Variants in LINGO2 observed in about 807,000 individuals in gnomAD.
The protein encoded by LINGO2 is leucine-rich repeat and immunoglobulin-like domain-containing nogo receptor-interacting protein 2.
In LINGO2, 14 loss-of-function variants were observed where a neutral mutation model predicts 30.6. That is an observed-to-expected ratio of 0.46 (90% CI 0.30 to 0.72). LINGO2 has a LOEUF of 0.72. LINGO2 is among the 30% of genes least tolerant of loss of function. The probability of loss-of-function intolerance (pLI) is 0.07; values close to 1 mark genes in which losing one functional copy is unlikely to be tolerated. For missense variants in LINGO2, 729 were observed against 751.7 expected (o/e 0.97, Z 0.35); for synonymous variants, 317 against 288.5 (o/e 1.10, Z -1.00).
At chr9:28,153,650 A>T (rs1171240292) in intron 4 of LINGO2, among the ~76,000 whole-genome samples, 2 of 152,190 alleles carry the variant, frequency 1.3e-5, no homozygotes, top group African/African-American at 4.8e-5. Context: ...CGAGTTCGTC[A>T]ATTTTTAAAC....
chr9:28,121,893 A>G (rs1278561704), intron 4 of LINGO2, among the ~76,000 whole-genome samples: 16 of 152,230 alleles, frequency 1.1e-4, no homozygotes, highest in Non-Finnish European at 1.9e-4. Flanking sequence ...TTAAAAATAA[A>G]TATCTTGCAA....
intron 1 of LINGO2, among the ~76,000 whole-genome samples, chr9:28,663,082 CA>C (rs200614752): frequency 0.028 from 4,325 of 151,906 alleles, 102 homozygotes; most frequent in Middle Eastern, 0.11. Flanking sequence ...ACTGTCAGAC[CA>C]AAAAAAGTCA....
intron 2 of LINGO2, among the ~76,000 whole-genome samples, chr9:28,386,261 G>C (rs907879219): frequency 2.6e-5 from 4 of 152,132 alleles, no homozygotes; most frequent in Non-Finnish European, 5.9e-5. Context: ...GTGCACATGA[G>C]AGAGGCAAAC....
chr9:28,348,052 G>T (rs1431163920), intron 3 of LINGO2, among the ~76,000 whole-genome samples: 1 of 152,076 alleles, frequency 6.6e-6, no homozygotes, highest in Non-Finnish European at 1.5e-5. Context: ...AGGTAAACAG[G>T]TCATAGGATT....
At chr9:28,120,428 A>G (rs183730156) in intron 4 of LINGO2, among the ~76,000 whole-genome samples, 1 of 152,310 alleles carries the variant, frequency 6.6e-6, no homozygotes, top group East Asian at 1.9e-4. Flanking sequence ...TGCCAGGGAA[A>G]CTGGGTCTTA....
intron 4 of LINGO2, among the ~76,000 whole-genome samples, chr9:28,188,052 C>A (rs893847974): frequency 6.6e-6 from 1 of 152,086 alleles, no homozygotes; most frequent in Non-Finnish European, 1.5e-5. Context: ...CTCGTTAATC[C>A]TTTTTAATAT....
chr9:28,646,079 T>C (rs896363526), intron 1 of LINGO2, among the ~76,000 whole-genome samples: 2 of 152,144 alleles, frequency 1.3e-5, no homozygotes, highest in Non-Finnish European at 2.9e-5. Context: ...TACCAAGTAA[T>C]GGCAACTGAC....
the LINGO2 span, among the ~76,000 whole-genome samples, chr9:28,712,811 T>C: frequency 6.6e-6 from 1 of 152,070 alleles, no homozygotes; most frequent in African/African-American, 2.4e-5. Context: ...TTAAGAAACA[T>C]AGAATTTAAA....
At chr9:28,169,730 T>G (rs752217772) in intron 4 of LINGO2, among the ~76,000 whole-genome samples, 80 of 152,154 alleles carry the variant, frequency 5.3e-4, no homozygotes, top group Non-Finnish European at 7.4e-4. Flanking sequence ...GGAGCCAGAA[T>G]TGAGAAATGG....
intron 2 of LINGO2, among the ~76,000 whole-genome samples, chr9:28,426,414 T>C (rs1413597430): frequency 6.6e-6 from 1 of 152,132 alleles, no homozygotes; most frequent in African/African-American, 2.4e-5. Context: ...AATAAAACTA[T>C]AAATTCAGTA....
intron 1 of LINGO2, among the ~76,000 whole-genome samples, chr9:28,495,103 G>T (rs1231752099): frequency 1.3e-5 from 2 of 152,152 alleles, no homozygotes; most frequent in Non-Finnish European, 2.9e-5. Context: ...GTCCTTTGTA[G>T]ATTCTGGATA....
chr9:28,288,517 T>C (rs538349579), intron 4 of LINGO2, among the ~76,000 whole-genome samples: 1 of 152,322 alleles, frequency 6.6e-6, no homozygotes, highest in Non-Finnish European at 1.5e-5. Flanking sequence ...TGAAACGAGC[T>C]GTTCATATCT....
In LINGO2 at chr9:28,229,719, T is replaced by G. The variant is rs1821292733; in HGVS notation, c.-87+65489A>C. Among the ~76,000 whole-genome samples, 3 of 151,946 alleles carry G rather than the reference T, an allele frequency of 2.0e-5. No homozygotes were observed. In the Middle Eastern group the frequency reaches 0.01, roughly 517 times the overall value. On this transcript the variant is annotated intron_variant, in intron 4 of 5. Coordinates refer to ENST00000379992, the Ensembl canonical transcript of LINGO2. ...ATATAGTTAGCAGGAAAATTTAACA[T>G]ATTGGCTTTCAGTTCTTTTATCAAT...
intron 2 of LINGO2, among the ~76,000 whole-genome samples, chr9:28,465,063 G>T (rs1825241816): frequency 6.6e-6 from 1 of 152,194 alleles, no homozygotes. Flanking sequence ...CAGGTTGCAT[G>T]CGACCTCTGG....
At chr9:28,642,128 AC>A (rs753348481) in intron 1 of LINGO2, among the ~76,000 whole-genome samples, 1 of 151,942 alleles carries the variant, frequency 6.6e-6, no homozygotes, top group Non-Finnish European at 1.5e-5. Context: ...ATTAACATAC[AC>A]TTTTACTCAG....
chr9:28,653,677 CCA>C (rs1259495168), intron 1 of LINGO2, among the ~76,000 whole-genome samples: 1 of 152,096 alleles, frequency 6.6e-6, no homozygotes, highest in Admixed American at 6.6e-5. Context: ...GAGTCAAATA[CCA>C]GAGCATCTTT....
At chr9:28,202,333 C>T (rs1415753335) in intron 4 of LINGO2, among the ~76,000 whole-genome samples, 4 of 152,048 alleles carry the variant, frequency 2.6e-5, no homozygotes, top group African/African-American at 9.7e-5. Context: ...GATATGGCAT[C>T]TAACAGACAC....
At chr9:28,134,839 T>C (rs1488536043) in intron 4 of LINGO2, among the ~76,000 whole-genome samples, 1 of 151,984 alleles carries the variant, frequency 6.6e-6, no homozygotes, top group African/African-American at 2.4e-5. Context: ...AGTGAAGAAA[T>C]AGGGAACGTG....
intron 5 of LINGO2, among the ~76,000 whole-genome samples, chr9:27,962,739 C>G (rs1042958068): frequency 4.6e-5 from 7 of 152,154 alleles, no homozygotes; most frequent in Non-Finnish European, 7.4e-5. Context: ...AGAAGTCTTA[C>G]AATCCAAAGC....
Sources: allele counts gnomAD v4.1 joint callset (sites outside exome capture counted in the v4.1 genomes callset), GRCh38; gene constraint gnomAD v4.1.1; transcripts MANE v1.5; gene names NCBI Gene and HGNC (gene_info 2026-07-23, HGNC 2026-07-21).